Variants in CTXN2 observed in about 807,000 individuals in gnomAD.
CTXN2 encodes cortexin 2.
A neutral mutation model predicts 5.7 loss-of-function variants in CTXN2; 3 were observed. That is an observed-to-expected ratio of 0.53 (90% CI 0.24 to 1.36). CTXN2 has a LOEUF of 1.36. Among genes scored for constraint, CTXN2 ranks in the 40% most tolerant of loss-of-function variants. CTXN2 has a pLI of 0.17. For synonymous variants in CTXN2, 38 were observed against 36.4 expected (o/e 1.04, Z -0.16); for missense variants, 87 against 93.0 (o/e 0.94, Z 0.26).
At chr15:48,180,738 C>G (rs1326985596) in intron 1 of CTXN2, among the ~76,000 whole-genome samples, 1 of 152,200 alleles carries the variant, frequency 6.6e-6, no homozygotes, top group Non-Finnish European at 1.5e-5. Context: ...TCTCCATCTC[C>G]TGACCCTGTG....
intron 1 of CTXN2, 77 bp from the exon 2 acceptor site, chr15:48,201,166 AC>A: frequency 1.2e-6 from 1 of 836,970 alleles, no homozygotes. Flanking sequence ...GGTTTGAAAA[AC>A]GTCAGATTTT....
upstream of CTXN2, among the ~76,000 whole-genome samples, chr15:48,190,641 C>T (rs2040808433): frequency 6.6e-6 from 1 of 151,958 alleles, no homozygotes; most frequent in Non-Finnish European, 1.5e-5. Context: ...AATTCTGTAT[C>T]TACATTTCCC....
chr15:48,193,671 T>C (rs1332565412), intron 1 of CTXN2, among the ~76,000 whole-genome samples: 3 of 152,130 alleles, frequency 2.0e-5, no homozygotes, highest in Admixed American at 1.3e-4. Context: ...TCTATAACTG[T>C]TGAGTATTTT....
At chr15:48,191,404 A>G (rs2040820512), upstream of CTXN2, 1 of 212,224 alleles carries the variant, frequency 4.7e-6, no homozygotes, top group Non-Finnish European at 9.8e-6. Context: ...GTGTCGTGAG[A>G]AAAAAAAGGA....
chr15:48,191,472 C>A (rs961502662), upstream of CTXN2: 12 of 278,018 alleles, frequency 4.3e-5, no homozygotes, highest in South Asian at 1.3e-4. Flanking sequence ...AAGAATAGAG[C>A]CTGTTGCTGC....
At chr15:48,191,617 T>C (rs1243609894), upstream of CTXN2, 5 of 433,902 alleles carry the variant, frequency 1.2e-5, no homozygotes, top group Admixed American at 1.3e-4. Context: ...CACGTTTTCC[T>C]GCAAACGCGC....
upstream of CTXN2, among the ~76,000 whole-genome samples, chr15:48,190,598 G>A (rs930554786): frequency 2.0e-5 from 3 of 151,672 alleles, no homozygotes; most frequent in Admixed American, 6.6e-5. Context: ...GTTACATTAC[G>A]TTTTCAAAGT....
intron 1 of CTXN2, among the ~76,000 whole-genome samples, chr15:48,180,600 C>G (rs1413538670): frequency 6.6e-6 from 1 of 152,192 alleles, no homozygotes; most frequent in Non-Finnish European, 1.5e-5. Flanking sequence ...CAAGCTCCAC[C>G]TCCCGCGTTC....
In CTXN2 at chr15:48,178,454, T is replaced by C. The variant is rs532536422; in HGVS notation, c.-455+54T>C. 9.8e-5 allele frequency: 48 copies of C among 490,232 alleles called. 1 individual carries two copies. In the South Asian group the frequency reaches 2.1e-3, roughly 21 times the overall value. The allele number at this position is 490,232 out of a possible 1,614,324, so 30.4% of individuals were successfully genotyped here. A position where few individuals can be genotyped will look rare whatever the true frequency, so the allele number is the denominator to read the frequency against. On this transcript the variant is annotated intron_variant, in intron 1 of 2. Transcript: ENST00000644354. ...GCGGGGGGAGGGGAGCCATGGGAGC[T>C]GGGGTCAGGGCCGCTGTTGCTGCAG...
intron 1 of CTXN2, among the ~76,000 whole-genome samples, chr15:48,183,375 T>C (rs2140968526): frequency 6.6e-6 from 1 of 152,326 alleles, no homozygotes; most frequent in Middle Eastern, 3.4e-3. Context: ...GGCATGGCAT[T>C]ATAGGCTGGC....
intron 1 of CTXN2, among the ~76,000 whole-genome samples, chr15:48,194,302 T>C (rs2040856791): frequency 6.6e-6 from 1 of 152,076 alleles, no homozygotes; most frequent in Non-Finnish European, 1.5e-5. Context: ...GAATATGCAG[T>C]CATGTCTTCA....
At chr15:48,194,948 T>C (rs1253393128) in intron 1 of CTXN2, among the ~76,000 whole-genome samples, 1 of 152,174 alleles carries the variant, frequency 6.6e-6, no homozygotes, top group Non-Finnish European at 1.5e-5. Context: ...CTCCATCCTG[T>C]ATAAAGTCTT....
chr15:48,193,814 T>A (rs559694662), intron 1 of CTXN2, among the ~76,000 whole-genome samples: 3 of 152,262 alleles, frequency 2.0e-5, no homozygotes, highest in Admixed American at 2.0e-4. Context: ...TTGGCACACT[T>A]AACAGTATAT....
At chr15:48,195,785 G>T (rs2413888) in intron 1 of CTXN2, among the ~76,000 whole-genome samples, 125,928 of 152,072 alleles carry the variant, frequency 0.83, 56,211 homozygotes, top group Non-Finnish European at 1. Context: ...AACACTATGT[G>T]GGTGTTGTGG....
chr15:48,187,444 A>G (rs1483596665), upstream of CTXN2, among the ~76,000 whole-genome samples: 1 of 152,250 alleles, frequency 6.6e-6, no homozygotes, highest in African/African-American at 2.4e-5. Context: ...ATTCAAATTA[A>G]AAAGCACAGC....
intron 1 of CTXN2, among the ~76,000 whole-genome samples, chr15:48,195,485 G>T (rs899525366): frequency 4.6e-5 from 7 of 152,002 alleles, no homozygotes; most frequent in African/African-American, 1.4e-4. Context: ...TTCACAATTT[G>T]GCTCCAACCT....
chr15:48,199,193 A>T (rs2040906323), intron 1 of CTXN2, among the ~76,000 whole-genome samples: 1 of 152,130 alleles, frequency 6.6e-6, no homozygotes, highest in South Asian at 2.1e-4. Context: ...CCTTTATACT[A>T]TTATATAATC....
upstream of CTXN2, chr15:48,191,605 T>C (rs1394611482): frequency 2.3e-6 from 1 of 425,874 alleles, no homozygotes; most frequent in Non-Finnish European, 4.7e-6. Flanking sequence ...AAGAAATCCA[T>C]GCACGTTTTC....
At chr15:48,195,370 C>T (rs148660855) in intron 1 of CTXN2, among the ~76,000 whole-genome samples, 3 of 152,108 alleles carry the variant, frequency 2.0e-5, no homozygotes, top group East Asian at 1.9e-4. Context: ...ATTTCTTTCC[C>T]GTGATGCTCT....
Sources: gnomAD v4.1 joint callset for allele counts (sites outside exome capture counted in the v4.1 genomes callset) on GRCh38, gnomAD v4.1.1 for gene constraint, MANE v1.5 for transcripts, NCBI Gene and HGNC (gene_info 2026-07-23, HGNC 2026-07-21) for gene names.